Variants in EDIL3 observed in about 807,000 individuals in gnomAD.
EDIL3 encodes the protein EGF-like repeat and discoidin I-like domain-containing protein 3.
In EDIL3, 37 loss-of-function variants were observed where a neutral mutation model predicts 67.4. The observed-to-expected ratio is 0.55, with a 90% CI of 0.42 to 0.72. EDIL3 has a LOEUF of 0.72. Among genes scored for constraint, EDIL3 ranks in the 30% least tolerant of loss-of-function variants. EDIL3 has a pLI of 0.00. For missense variants in EDIL3, 527 were observed against 586.3 expected (o/e 0.90, Z 1.04); for synonymous variants, 195 against 196.3 (o/e 0.99, Z 0.05).
At position 84,384,512 on chromosome 5, in the gene EDIL3, T is replaced by TA. The variant is rs1748182539; in HGVS notation, c.-139_-138insT. The TA allele has an allele frequency of 7.3e-5, 56 of 762,360 alleles. 1 individual carries two copies. In the South Asian group the frequency reaches 9.9e-4, roughly 13 times the overall value. The allele number at this position is 762,360 out of a possible 1,614,324, so 47.2% of individuals were successfully genotyped here. A position where few individuals can be genotyped will look rare whatever the true frequency, so the allele number is the denominator to read the frequency against. On this transcript the variant is annotated 5_prime_UTR_variant, in exon 1 of 11. Coordinates refer to ENST00000296591, the MANE Select transcript of EDIL3 (RefSeq NM_005711.5). ...GAAGACGTTCTCTTTCCTCAGCGCTTTGTTAAACAAATTCTTGGAGAGGGC... is the reference window on the plus strand; with the variant it reads ...GAAGACGTTCTCTTTCCTCAGCGCTTATGTTAAACAAATTCTTGGAGAGGGC...
intron 4 of EDIL3, among the ~76,000 whole-genome samples, chr5:84,160,914 T>C (rs1056919254): frequency 2.6e-5 from 4 of 151,674 alleles, no homozygotes; most frequent in East Asian, 1.9e-4. Context: ...ATAAGTTCTT[T>C]AGTGGTGATT....
At chr5:83,988,544 A>G (rs1180987142) in intron 9 of EDIL3, among the ~76,000 whole-genome samples, 1 of 152,140 alleles carries the variant, frequency 6.6e-6, no homozygotes, top group African/African-American at 2.4e-5. Flanking sequence ...TGGCACAGGT[A>G]GATTCAATGG....
chr5:83,970,211 A>G (rs1439830405), intron 9 of EDIL3, among the ~76,000 whole-genome samples: 1 of 148,580 alleles, frequency 6.7e-6, no homozygotes, highest in African/African-American at 2.5e-5. Flanking sequence ...AAATGTCACT[A>G]AGTGGCATTT....
At position 84,114,148 on chromosome 5, in the gene EDIL3, G is replaced by GTT. The variant is rs918208407; in HGVS notation, c.470-7320_470-7319dup. On this transcript the variant is annotated intron_variant, in intron 5 of 10. Coordinates refer to ENST00000296591, the MANE Select transcript of EDIL3 (RefSeq NM_005711.5). ...CCTGAGGGTTTAAAGGAACCCTAAAGTTTTTTTTTTTTTTTTTTTTTTGAT... is the reference window on the plus strand; with the variant it reads ...CCTGAGGGTTTAAAGGAACCCTAAAGTTTTTTTTTTTTTTTTTTTTTTTTGAT... 3.6e-3 allele frequency among the ~76,000 whole-genome samples: 399 copies of GTT among 109,822 alleles called. 6 individuals carry two copies. Among genetic ancestry groups the GTT allele is most frequent in the African/African-American group, 0.012 (326 of 27,412 alleles). 72.0% of individuals were successfully genotyped at this position (109,822 alleles called of 152,430 possible).
At chr5:84,099,806 G>T (rs555414787) in intron 6 of EDIL3, among the ~76,000 whole-genome samples, 35 of 151,984 alleles carry the variant, frequency 2.3e-4, no homozygotes, top group South Asian at 2.3e-3. Flanking sequence ...CTACAGAATG[G>T]GAGAACATTT....
chr5:84,025,237 C>A (rs549840712), intron 9 of EDIL3, among the ~76,000 whole-genome samples: 2 of 152,212 alleles, frequency 1.3e-5, no homozygotes, highest in East Asian at 3.9e-4. Context: ...GGGCCATGAA[C>A]CAGTACTGGT....
intron 6 of EDIL3, among the ~76,000 whole-genome samples, chr5:84,097,593 C>A (rs1452173813): frequency 6.6e-6 from 1 of 152,016 alleles, no homozygotes; most frequent in Non-Finnish European, 1.5e-5. Context: ...TCAGAGCATC[C>A]TGAAAGTAGG....
At chr5:84,151,509 T>C (rs1030651628) in intron 4 of EDIL3, among the ~76,000 whole-genome samples, 3 of 152,054 alleles carry the variant, frequency 2.0e-5, no homozygotes, top group Non-Finnish European at 4.4e-5. Context: ...ATGAGAAAAA[T>C]ACTGATTTTT....
intron 1 of EDIL3, among the ~76,000 whole-genome samples, chr5:84,303,623 TA>T (rs1746204165): frequency 6.6e-6 from 1 of 152,246 alleles, no homozygotes; most frequent in African/African-American, 2.4e-5. Context: ...ACAGTCATTA[TA>T]TTATTATATT....
chr5:84,258,714 C>T (rs1395685932), intron 1 of EDIL3, among the ~76,000 whole-genome samples: 1 of 152,088 alleles, frequency 6.6e-6, no homozygotes, highest in East Asian at 1.9e-4. Flanking sequence ...ATATCTCAGC[C>T]TATTTCCTTT....
At chr5:84,357,559 A>G (rs1477939281) in intron 1 of EDIL3, among the ~76,000 whole-genome samples, 1 of 152,140 alleles carries the variant, frequency 6.6e-6, no homozygotes, top group Non-Finnish European at 1.5e-5. Flanking sequence ...TCTCTGTCCC[A>G]GAACTTCCAT....
chr5:84,254,039 G>A (rs773830690), intron 2 of EDIL3, 45 bp downstream of exon 2: 1 of 1,532,404 alleles, frequency 6.5e-7, no homozygotes, highest in Non-Finnish European at 8.8e-7. Context: ...ATTTATTCAT[G>A]GAAATAAAAA....
rs71605902 is a variant in EDIL3, at chr5:84,141,952, G to GATCGATCGATCT, written c.356-4599_356-4598insAGATCGATCGAT. On this transcript the variant is annotated intron_variant, in intron 4 of 10. Coordinates refer to ENST00000296591, the MANE Select transcript of EDIL3 (RefSeq NM_005711.5). ...ATATATATATATATATATATACATAGATCTATCTATCTATCTATCTATCTA... is the reference window on the plus strand; with the variant it reads ...ATATATATATATATATATATACATAGATCGATCGATCTATCTATCTATCTATCTATCTATCTA... Among the ~76,000 whole-genome samples the GATCGATCGATCT allele has an allele frequency of 5.4e-3, 582 of 108,352 alleles. 4 individuals are homozygous for GATCGATCGATCT. The highest frequency in any genetic ancestry group is 0.018 in the African/African-American group (497 of 27,358). The allele number at this position is 108,352 out of a possible 152,430, so 71.1% of individuals were successfully genotyped here. A position where few individuals can be genotyped will look rare whatever the true frequency, so the allele number is the denominator to read the frequency against.
Position 84,211,061 on chromosome 5 carries a change from T to C in EDIL3, c.226+18794A>G, listed in dbSNP as rs143447432. On this transcript the variant is annotated intron_variant, in intron 3 of 10. Coordinates refer to ENST00000296591, the MANE Select transcript of EDIL3 (RefSeq NM_005711.5). ...TGGAACCTGTGAATATTACATTATTTGAAAAAGTCTCATTACAGATGTACT... is the reference window on the plus strand; with the variant it reads ...TGGAACCTGTGAATATTACATTATTCGAAAAAGTCTCATTACAGATGTACT... Among the ~76,000 whole-genome samples the C allele has an allele frequency of 1.6e-3, 248 of 152,300 alleles. 2 individuals carry two copies. The highest frequency in any genetic ancestry group is 5.7e-3 in the African/African-American group (235 of 41,564).
chr5:84,154,861 A>G (rs1228756722), intron 4 of EDIL3, among the ~76,000 whole-genome samples: 2 of 151,580 alleles, frequency 1.3e-5, no homozygotes, highest in African/African-American at 2.4e-5. Context: ...CACCACGCCC[A>G]GCTAATTTTC....
intron 1 of EDIL3, among the ~76,000 whole-genome samples, chr5:84,360,222 GAGA>G (rs1470382814): frequency 6.6e-6 from 1 of 152,202 alleles, no homozygotes; most frequent in African/African-American, 2.4e-5. Context: ...AGAAGGGTAG[GAGA>G]AGGTGGGAGG....
intron 1 of EDIL3, among the ~76,000 whole-genome samples, chr5:84,347,194 G>A (rs1048398543): frequency 1.3e-5 from 2 of 152,090 alleles, no homozygotes; most frequent in African/African-American, 4.8e-5. Flanking sequence ...TTAATTATAT[G>A]AATAAAAGGA....
At chr5:84,176,149 T>G (rs1322499590) in intron 4 of EDIL3, among the ~76,000 whole-genome samples, 1 of 130,968 alleles carries the variant, frequency 7.6e-6, no homozygotes, top group African/African-American at 2.9e-5. Context: ...TTTTTGATTG[T>G]TTTTTTCTGG....
intron 3 of EDIL3, among the ~76,000 whole-genome samples, chr5:84,188,885 C>T (rs1046388912): frequency 1.3e-5 from 2 of 152,012 alleles, no homozygotes; most frequent in Non-Finnish European, 2.9e-5. Context: ...GTTGTTTGAT[C>T]TACCCAGTCT....
Sources: allele counts gnomAD v4.1 joint callset (sites outside exome capture counted in the v4.1 genomes callset), GRCh38; gene constraint gnomAD v4.1.1; transcripts MANE v1.5; gene names NCBI Gene and HGNC (gene_info 2026-07-23, HGNC 2026-07-21).